Variants in COX11 observed in about 807,000 individuals in gnomAD.
COX11 encodes cytochrome c oxidase assembly protein COX11, mitochondrial.
COX11 carries 18 observed loss-of-function variants against 29.4 expected under a neutral mutation model. That is an observed-to-expected ratio of 0.61 (90% CI 0.42 to 0.91). The LOEUF (loss-of-function observed/expected upper bound fraction) is 0.91, where lower values mean the gene tolerates loss of function less well. Among genes scored for constraint, COX11 ranks in the 40% least tolerant of loss-of-function variants. COX11 has a pLI of 0.00. For missense variants in COX11, 312 were observed against 346.0 expected (o/e 0.90, Z 0.78); for synonymous variants, 131 against 124.0 (o/e 1.06, Z -0.38).
In COX11 at chr17:54,961,899, A is replaced by G. The variant is rs1377160799; in HGVS notation, c.*834T>C. The stretch of plus-strand genomic sequence containing the variant: ...AATATTTCTATTTAGAACACAGAAA[A>G]TGAAAATATTTAGAATAAGTTGTAC... On this transcript the variant is annotated 3_prime_UTR_variant, in exon 4 of 4. Coordinates refer to ENST00000299335, the MANE Select transcript of COX11 (RefSeq NM_004375.5). The G allele has an allele frequency of 1.1e-6, 1 of 908,278 alleles. No individual in the cohort carries two copies. Among genetic ancestry groups the G allele is most frequent in the Non-Finnish European group, 1.3e-6 (1 of 759,432 alleles). The allele number at this position is 908,278 out of a possible 1,614,324, so 56.3% of individuals were successfully genotyped here.
downstream of COX11, chr17:54,958,352 AGT>A (rs556517857): frequency 1.3e-5 from 2 of 152,380 alleles, no homozygotes; most frequent in African/African-American, 4.8e-5. Context: ...CCCAAATTTC[AGT>A]GCATTTGAAA....
At chr17:54,966,752 A>C (rs932074068) in intron 1 of COX11, among the ~76,000 whole-genome samples, 1 of 152,230 alleles carries the variant, frequency 6.6e-6, no homozygotes, top group African/African-American at 2.4e-5. Flanking sequence ...GTCTCTGATG[A>C]AAAGTAATTC....
In COX11 at chr17:54,951,973, C is replaced by T. The variant is rs527499409; in HGVS notation, n.3177G>A. On this transcript the variant is annotated non_coding_transcript_exon_variant, in exon 1 of 1. Transcript: ENST00000572088. Reference sequence around the variant, plus strand: ...GGGGCCAGGATCAGAAAGCGTTCTTCTGTAACTTCTTCATGTTGACCAGGG... The same window carrying T: ...GGGGCCAGGATCAGAAAGCGTTCTTTTGTAACTTCTTCATGTTGACCAGGG... 3 of 152,286 alleles carry T rather than the reference C, an allele frequency of 2.0e-5. No homozygotes were observed. The East Asian group carries it at 5.8e-4, about 29-fold the overall frequency. The allele number at this position is 152,286 out of a possible 1,614,324, so 9.4% of individuals were successfully genotyped here.
downstream of COX11, among the ~76,000 whole-genome samples, chr17:54,960,354 G>C (rs1401064257): frequency 6.6e-6 from 1 of 152,002 alleles, no homozygotes; most frequent in Non-Finnish European, 1.5e-5. Flanking sequence ...AAAAGAGTGA[G>C]ACTCTGTCTC....
intron 1 of COX11, among the ~76,000 whole-genome samples, chr17:54,965,865 C>A (rs559787841): frequency 2.6e-5 from 4 of 151,672 alleles, no homozygotes; most frequent in East Asian, 3.9e-4. Context: ...CTTCCAAGGT[C>A]ATCTTTCTTC....
In COX11 at chr17:54,962,123, T is replaced by A. The variant is rs2077141430; in HGVS notation, c.*610A>T. The A allele has an allele frequency of 1.1e-6, 1 of 949,730 alleles. No homozygotes were observed. Among genetic ancestry groups the A allele is most frequent in the African/African-American group, 1.8e-5 (1 of 56,566 alleles). 58.8% of individuals were successfully genotyped at this position (949,730 alleles called of 1,614,324 possible). A position where few individuals can be genotyped will look rare whatever the true frequency, so the allele number is the denominator to read the frequency against. On this transcript the variant is annotated 3_prime_UTR_variant, in exon 4 of 4. Transcript: ENST00000299335. Reference sequence around the variant, plus strand: ...TTATTTCAATTTTATGATACTACAGTTTCAAAGTAATTATTCAGAACTCTG... The same window carrying A: ...TTATTTCAATTTTATGATACTACAGATTCAAAGTAATTATTCAGAACTCTG...
intron 2 of COX11, chr17:54,964,433 T>TA (rs1466062262): frequency 3.0e-5 from 12 of 397,316 alleles, no homozygotes; most frequent in Non-Finnish European, 5.0e-5. Flanking sequence ...CATCTAAACT[T>TA]AATTTCAAAA....
At chr17:54,957,927 T>C (rs185856270), downstream of COX11, 1 of 152,320 alleles carries the variant, frequency 6.6e-6, no homozygotes, top group African/African-American at 2.4e-5. Flanking sequence ...TTACAAAATT[T>C]GTGTTAATGT....
chr17:54,952,640 C>A (rs142773909), exon 1 of COX11: 1 of 151,928 alleles, frequency 6.6e-6, no homozygotes, highest in African/African-American at 2.4e-5. Context: ...CTTCCTATTT[C>A]CCCTGAGGTA....
intron 2 of COX11, chr17:54,964,460 T>C (rs982530546): frequency 2.2e-6 from 1 of 461,956 alleles, no homozygotes; most frequent in African/African-American, 2.0e-5. Context: ...CGGGTTCCAT[T>C]ACTATAAATT....
rs2077121292 is a variant in COX11 at position 54,961,379 on chromosome 17, A to G, written c.*1354T>C. 7 of 1,550,000 alleles carry G rather than the reference A, an allele frequency of 4.5e-6. No homozygotes were observed. The highest frequency in any genetic ancestry group is 6.1e-6 in the Non-Finnish European group (7 of 1,146,356). On this transcript the variant is annotated 3_prime_UTR_variant, in exon 4 of 4. Coordinates refer to ENST00000299335, the MANE Select transcript of COX11 (RefSeq NM_004375.5). ...ACATTTCTGCTATAATGAAGATTAAATAGAATAACAGTTCCAGGATAACAC... is the reference window on the plus strand; with the variant it reads ...ACATTTCTGCTATAATGAAGATTAAGTAGAATAACAGTTCCAGGATAACAC...
downstream of COX11, among the ~76,000 whole-genome samples, chr17:54,955,563 C>T (rs2049457534): frequency 6.6e-6 from 1 of 152,158 alleles, no homozygotes; most frequent in Non-Finnish European, 1.5e-5. Flanking sequence ...CATATTCATT[C>T]AGGCCACAGA....
Position 54,962,919 on chromosome 17 carries a change from G to A in COX11, c.649-4C>T, listed in dbSNP as rs757762886. On this transcript the variant is annotated splice_polypyrimidine_tract_variant and splice_region_variant and intron_variant, in intron 3 of 3. Coordinates refer to ENST00000299335, the MANE Select transcript of COX11 (RefSeq NM_004375.5). ...TTTGTTCTTCAAAACAGAAGCACTG[G>A]AAATTATAGAAAGATTTTAATAACA... 2 of 1,600,662 alleles carry A rather than the reference G, an allele frequency of 1.2e-6. No homozygotes were observed. The highest frequency in any genetic ancestry group is 1.7e-6 in the Non-Finnish European group (2 of 1,172,872).
At chr17:54,968,133 T>G in intron 1 of COX11, 148 bp downstream of exon 1, 1 of 1,269,776 alleles carries the variant, frequency 7.9e-7, no homozygotes, top group Non-Finnish European at 1.1e-6. Context: ...GGGTGTTAAG[T>G]GACTGTTTTG....
chr17:54,962,018 C>A lies in COX11; in HGVS notation c.*715G>T. ...AGAAGAACTTTTGATGTCAGTAAAT[C>A]TTCACAATCCCACCTGTACATTTTA... On this transcript the variant is annotated 3_prime_UTR_variant, in exon 4 of 4. Transcript: ENST00000299335. 1 of 984,146 alleles carries A rather than the reference C, an allele frequency of 1.0e-6. No individual in the cohort carries two copies. The highest frequency in any genetic ancestry group is 1.2e-6 in the Non-Finnish European group (1 of 829,138). The allele number at this position is 984,146 out of a possible 1,614,324, so 61.0% of individuals were successfully genotyped here.
downstream of COX11, chr17:54,958,281 T>C (rs1300822300): frequency 2.0e-5 from 3 of 152,224 alleles, no homozygotes; most frequent in African/African-American, 7.2e-5. Flanking sequence ...AACTAGATAA[T>C]GGATTGGAGA....
In COX11 at chr17:54,968,267, G is replaced by A; in HGVS notation, c.366+14C>T. Reference sequence around the variant, plus strand: ...TCGCGTCTGCGCCACCCTGCGGGCGGCGCCGGCCCCTACCTGGCAATAGAG... The same window carrying A: ...TCGCGTCTGCGCCACCCTGCGGGCGACGCCGGCCCCTACCTGGCAATAGAG... On this transcript the variant is annotated intron_variant, in intron 1 of 3. Transcript: ENST00000299335. 1 of 1,605,278 alleles carries A rather than the reference G, an allele frequency of 6.2e-7. No individual in the cohort carries two copies. Among genetic ancestry groups the A allele is most frequent in the Non-Finnish European group, 8.5e-7 (1 of 1,176,980 alleles).
rs985704647 is a variant in COX11, at chr17:54,961,965, T to C, written c.*768A>G. The C allele has an allele frequency of 2.0e-5, 2 of 99,844 alleles. No individual in the cohort carries two copies. The highest frequency in any genetic ancestry group is 3.2e-4 in the South Asian group (1 of 3,104). The allele number at this position is 99,844 out of a possible 1,614,324, so 6.2% of individuals were successfully genotyped here. A position where few individuals can be genotyped will look rare whatever the true frequency, so the allele number is the denominator to read the frequency against. ...AATCACTATTAAAACAATTTAATAC[T>C]TTTTTTTTTTAACAAAGGTTTGTTT... On this transcript the variant is annotated 3_prime_UTR_variant, in exon 4 of 4. Coordinates refer to ENST00000299335, the MANE Select transcript of COX11 (RefSeq NM_004375.5).
In COX11 at chr17:54,960,977, G is replaced by T; in HGVS notation, c.*1756C>A. ...ACCGGTACCAGTAGACCCATTTACC[G>T]TTAGTCCTCCAAATAGGTCTGAATT... is the stretch of plus-strand genomic sequence containing the variant. On this transcript the variant is annotated 3_prime_UTR_variant, in exon 4 of 4. Transcript: ENST00000299335. 1 of 547,268 alleles carries T rather than the reference G, an allele frequency of 1.8e-6. No homozygotes were observed. The highest frequency in any genetic ancestry group is 1.9e-5 in the African/African-American group (1 of 52,982). The allele number at this position is 547,268 out of a possible 1,614,324, so 33.9% of individuals were successfully genotyped here. A position where few individuals can be genotyped will look rare whatever the true frequency, so the allele number is the denominator to read the frequency against.
Sources: allele counts gnomAD v4.1 joint callset (sites outside exome capture counted in the v4.1 genomes callset), GRCh38; gene constraint gnomAD v4.1.1; transcripts MANE v1.5; gene names NCBI Gene and HGNC (gene_info 2026-07-23, HGNC 2026-07-21).